The following FBRSL1 variants were observed in gnomAD, a reference collection of about 807,000 sequenced individuals.
The protein encoded by FBRSL1 is fibrosin like 1.
FBRSL1 carries 51 observed loss-of-function variants against 89.6 expected under a neutral mutation model. That is an observed-to-expected ratio of 0.57 (90% CI 0.45 to 0.72). The LOEUF is 0.72. FBRSL1 is among the 30% of genes least tolerant of loss of function. The pLI, the probability that FBRSL1 is intolerant of heterozygous loss-of-function variation, is 0.00. For synonymous variants in FBRSL1, 779 were observed against 681.1 expected (o/e 1.14, Z -2.24); for missense variants, 1,618 against 1,451.8 (o/e 1.11, Z -1.86).
intron 5 of FBRSL1, chr12:132,551,329 G>A (rs1390764008): frequency 2.2e-6 from 1 of 444,814 alleles, no homozygotes; most frequent in Non-Finnish European, 4.6e-6. Flanking sequence ...CACATGGCCT[G>A]GCTGCTCCCG....
intron 2 of FBRSL1, among the ~76,000 whole-genome samples, chr12:132,524,020 C>A (rs1382642205): frequency 1.3e-5 from 2 of 152,226 alleles, no homozygotes; most frequent in Non-Finnish European, 2.9e-5. Context: ...CCCCTGGTGG[C>A]CTGGAAGGTG....
At chr12:132,536,139 GGTGT>G (rs1258569127) in intron 4 of FBRSL1, among the ~76,000 whole-genome samples, 4 of 141,092 alleles carry the variant, frequency 2.8e-5, no homozygotes, top group South Asian at 4.7e-4. Flanking sequence ...TGTACATGAT[GGTGT>G]GTGAGTGCAC....
At chr12:132,578,343 T>TCTCACACACACACACA (rs147345475) in intron 15 of FBRSL1, among the ~76,000 whole-genome samples, 2 of 141,008 alleles carry the variant, frequency 1.4e-5, no homozygotes, top group Non-Finnish European at 3.1e-5. Flanking sequence ...AGACCCTGTC[T>TCTCACACACACACACA]CACACACACA....
At position 132,493,568 on chromosome 12, in the gene FBRSL1, C is replaced by T. The variant is rs114890171; in HGVS notation, c.291+2707C>T. 3.8e-3 allele frequency among the ~76,000 whole-genome samples: 585 copies of T among 152,334 alleles called. 3 individuals are homozygous for T. Among genetic ancestry groups the T allele is most frequent in the African/African-American group, 0.013 (561 of 41,590 alleles). On this transcript the variant is annotated intron_variant, in intron 1 of 18. Coordinates refer to ENST00000680143, the MANE Select transcript of FBRSL1 (RefSeq NM_001367871.1). ...CTGACCCCAGGCAGACCACCCTCTC[C>T]GCCTGTCTGAACAGGCACCCCTTGC...
intron 18 of FBRSL1, among the ~76,000 whole-genome samples, chr12:132,582,658 G>A (rs1467801066): frequency 6.6e-6 from 1 of 152,100 alleles, no homozygotes; most frequent in East Asian, 1.9e-4. Flanking sequence ...GACCCACGGA[G>A]TTTGAGGGAG....
At chr12:132,510,640 C>T in intron 2 of FBRSL1, 1 of 1,230,210 alleles carries the variant, frequency 8.1e-7, no homozygotes, top group Non-Finnish European at 1.0e-6. Context: ...GCGGGAGCCC[C>T]TACAGTGCCA....
In FBRSL1 at chr12:132,574,175, GC is replaced by G. The variant is rs2040230181; in HGVS notation, c.1599+20del. On this transcript the variant is annotated intron_variant, in intron 12 of 18. Transcript: ENST00000680143. The stretch of plus-strand genomic sequence containing the variant: ...GCGCCTGGGGTAGGTGTTAGTGGGC[GC>G]CCGTCCCCACCCCGGGGGATGGCCT... The G allele has an allele frequency of 1.4e-6, 2 of 1,425,854 alleles. No homozygotes were observed. The highest frequency in any genetic ancestry group is 9.1e-7 in the Non-Finnish European group (1 of 1,094,786). 88.3% of individuals were successfully genotyped at this position (1,425,854 alleles called of 1,614,324 possible). A position where few individuals can be genotyped will look rare whatever the true frequency, so the allele number is the denominator to read the frequency against.
intron 5 of FBRSL1, among the ~76,000 whole-genome samples, chr12:132,567,019 C>T (rs1300890493): frequency 2.0e-5 from 3 of 152,362 alleles, no homozygotes; most frequent in South Asian, 2.1e-4. Flanking sequence ...TTCGCCAGGG[C>T]GCCTGTGCTG....
At chr12:132,569,103 C>T (rs1267604540) in intron 6 of FBRSL1, among the ~76,000 whole-genome samples, 3 of 152,138 alleles carry the variant, frequency 2.0e-5, no homozygotes, top group Non-Finnish European at 4.4e-5. Context: ...CAGCTCCTGA[C>T]CCCAGGCAAC....
intron 2 of FBRSL1, chr12:132,509,677 G>A: frequency 8.1e-7 from 1 of 1,231,608 alleles, no homozygotes; most frequent in Non-Finnish European, 1.0e-6. Flanking sequence ...AGGCACCGCT[G>A]CAGGCGCCTG....
chr12:132,562,607 C>T (rs945374442), intron 5 of FBRSL1, among the ~76,000 whole-genome samples: 2 of 152,180 alleles, frequency 1.3e-5, no homozygotes, highest in African/African-American at 4.8e-5. Flanking sequence ...GACCAAGTAG[C>T]GTCAGTGCCA....
At chr12:132,517,216 A>G (rs2034922110) in intron 2 of FBRSL1, among the ~76,000 whole-genome samples, 1 of 152,122 alleles carries the variant, frequency 6.6e-6, no homozygotes, top group East Asian at 1.9e-4. Context: ...CCCACCTGAC[A>G]GGGCCCTCCT....
intron 3 of FBRSL1, among the ~76,000 whole-genome samples, chr12:132,527,166 G>A (rs1172370166): frequency 2.0e-5 from 3 of 148,676 alleles, no homozygotes; most frequent in Admixed American, 6.7e-5. Flanking sequence ...ACCTCCTCCC[G>A]GAAGCCTTCC....
intron 5 of FBRSL1, among the ~76,000 whole-genome samples, chr12:132,561,293 C>T (rs751304396): frequency 6.6e-6 from 1 of 152,332 alleles, no homozygotes; most frequent in Admixed American, 6.5e-5. Flanking sequence ...CCGCGCGGCC[C>T]GTGCGGAAGA....
rs2035495736 is a variant in FBRSL1 at position 132,523,021 on chromosome 12, G to A, written c.490-2713G>A. On this transcript the variant is annotated intron_variant, in intron 2 of 18. Transcript: ENST00000680143. ...TAAGCATCGGTTGGACGGGTGGACA[G>A]ATAGGTGGGCAGACCACAAGGCTGG... Among the ~76,000 whole-genome samples the A allele has an allele frequency of 1.1e-4, 17 of 152,206 alleles. No homozygotes were observed. The South Asian group carries it at 3.5e-3, about 31-fold the overall frequency.
chr12:132,582,375 C>T (rs1478290930), intron 18 of FBRSL1, 109 bp downstream of exon 18: 10 of 864,732 alleles, frequency 1.2e-5, no homozygotes, highest in Non-Finnish European at 1.6e-5. Flanking sequence ...TCCCCGTTTC[C>T]TCTCCCTCAC....
At chr12:132,547,904 C>T (rs1039043811) in intron 4 of FBRSL1, 99 bp from the exon 5 acceptor site, 21 of 1,336,726 alleles carry the variant, frequency 1.6e-5, no homozygotes, top group Admixed American at 8.2e-5. Context: ...CAGCCAGGGC[C>T]GCCCCACCCG....
intron 9 of FBRSL1, 43 bp downstream of exon 9, chr12:132,571,274 G>C (rs2039990422): frequency 3.3e-6 from 5 of 1,496,726 alleles, no homozygotes; most frequent in Non-Finnish European, 4.5e-6. Flanking sequence ...CGGCCAACGT[G>C]CCTCTCTGTC....
At position 132,520,718 on chromosome 12, in the gene FBRSL1, TCGGG is replaced by T. The variant is rs1010748352; in HGVS notation, c.490-5014_490-5011del. 2.1e-3 allele frequency among the ~76,000 whole-genome samples: 322 copies of T among 152,084 alleles called. 3 individuals are homozygous for T. The highest frequency in any genetic ancestry group is 7.3e-3 in the African/African-American group (304 of 41,484). On this transcript the variant is annotated intron_variant, in intron 2 of 18. Coordinates refer to ENST00000680143, the MANE Select transcript of FBRSL1 (RefSeq NM_001367871.1). Reference sequence around the variant, plus strand: ...GGTTCGGGACAGAGGGGCCCCAGAGTCGGGCTCTGCTCTTGCTGAATGTGAGGGG... The same window carrying T: ...GGTTCGGGACAGAGGGGCCCCAGAGTCTCTGCTCTTGCTGAATGTGAGGGG...
Sources: gnomAD v4.1 joint callset for allele counts (sites outside exome capture counted in the v4.1 genomes callset) on GRCh38, gnomAD v4.1.1 for gene constraint, MANE v1.5 for transcripts, NCBI Gene and HGNC (gene_info 2026-07-23, HGNC 2026-07-21) for gene names.